RPH3AL: variants seen among roughly 807,000 people sequenced by gnomAD.
RPH3AL encodes rabphilin 3A like (without C2 domains), also known as rab effector Noc2.
Under a neutral mutation model 43.1 loss-of-function variants are expected in RPH3AL, and 38 were observed. The ratio of observed to expected loss-of-function variants is 0.88; its 90% confidence interval spans 0.68 to 1.15. The LOEUF is 1.15. RPH3AL is among the 50% of genes most tolerant of loss of function. The pLI is 0.00. For missense variants in RPH3AL, 462 were observed against 423.2 expected (o/e 1.09, Z -0.81); for synonymous variants, 189 against 176.3 (o/e 1.07, Z -0.57).
Position 246,228 on chromosome 17 carries a change from T to C in RPH3AL, c.613+883A>G, listed in dbSNP as rs2041761717. Among the ~76,000 whole-genome samples the C allele has an allele frequency of 6.6e-6, 1 of 152,128 alleles. No homozygotes were observed. The highest frequency in any genetic ancestry group is 2.4e-5 in the African/African-American group (1 of 41,444). ...CCTGAGAAGCGGCCGCCAGGTCTAT[T>C]GTGATGGGTCCACTTCCTCCAAGAC... On this transcript the variant is annotated intron_variant, in intron 7 of 9. Coordinates refer to ENST00000331302, the MANE Select transcript of RPH3AL (RefSeq NM_006987.4). The surrounding 1 kb of genome is among the most constrained non-coding windows in gnomAD (Gnocchi z 4.8).
intron 3 of RPH3AL, among the ~76,000 whole-genome samples, chr17:325,513 G>C (rs1466484531): frequency 6.6e-6 from 1 of 152,040 alleles, no homozygotes; most frequent in Non-Finnish European, 1.5e-5. Flanking sequence ...CTTCTGCCTG[G>C]AAGCGCTTCC....
Position 213,755 on chromosome 17 carries a change from G to T in RPH3AL, c.*97C>A. ...CTGGTTTGTTGAGTCATGGCCAACA[G>T]GGTGTCTGGTGAGGGCACAAGGACC... is the stretch of plus-strand genomic sequence containing the variant. On this transcript the variant is annotated 3_prime_UTR_variant, in exon 10 of 10. Transcript: ENST00000331302. The T allele has an allele frequency of 2.1e-6, 2 of 968,128 alleles. No homozygotes were observed. The highest frequency in any genetic ancestry group is 1.6e-6 in the Non-Finnish European group (1 of 616,484). The allele number at this position is 968,128 out of a possible 1,614,324, so 60.0% of individuals were successfully genotyped here.
intron 5 of RPH3AL, among the ~76,000 whole-genome samples, chr17:315,622 T>TGCTCC (rs1429001877): frequency 1.7e-5 from 1 of 58,598 alleles, no homozygotes; most frequent in African/African-American, 4.7e-5. Context: ...CTAGTCCCTG[T>TGCTCC]ACTCCACCTC....
At chr17:222,117 A>G (rs2151503500) in intron 7 of RPH3AL, among the ~76,000 whole-genome samples, 1 of 152,390 alleles carries the variant, frequency 6.6e-6, no homozygotes, top group Middle Eastern at 3.4e-3. Context: ...GCCCAAGGCA[A>G]TGCTCTGCAG....
rs376101735 is a variant in RPH3AL, at chr17:315,245, T to C, written c.351+4175A>G. Among the ~76,000 whole-genome samples, 285 of 84,864 alleles carry C rather than the reference T, an allele frequency of 3.4e-3. 8 individuals are homozygous for C. The highest frequency in any genetic ancestry group is 6.6e-3 in the Admixed American group (40 of 6,060). 55.7% of individuals were successfully genotyped at this position (84,864 alleles called of 152,430 possible). On this transcript the variant is annotated intron_variant, in intron 5 of 9. Coordinates refer to ENST00000331302, the MANE Select transcript of RPH3AL (RefSeq NM_006987.4). ...CTGTGCCCCCACCTTCATTCACCTGTAGTCCCTGTGCCCCCACCTCCATTG... is the reference window on the plus strand; with the variant it reads ...CTGTGCCCCCACCTTCATTCACCTGCAGTCCCTGTGCCCCCACCTCCATTG...
At chr17:318,911 T>C (rs1014935427) in intron 5 of RPH3AL, among the ~76,000 whole-genome samples, 2 of 152,190 alleles carry the variant, frequency 1.3e-5, no homozygotes, top group African/African-American at 4.8e-5. Context: ...AAGATAGGAT[T>C]TAACTAATAA....
rs1279151340 is a variant in RPH3AL, at chr17:346,414, A to C, written c.-213+6298T>G. On this transcript the variant is annotated intron_variant, in intron 1 of 9. Transcript: ENST00000331302. ...ACGTGGCTGGGGAAGCCTCACAATC[A>C]TGGTGGAAGGCAAGGAGGAGCAAGT... Among the ~76,000 whole-genome samples, 2 of 135,380 alleles carry C rather than the reference A, an allele frequency of 1.5e-5. 1 individual carries two copies. Among genetic ancestry groups the C allele is most frequent in the Non-Finnish European group, 3.4e-5 (2 of 59,536 alleles). The allele number at this position is 135,380 out of a possible 152,430, so 88.8% of individuals were successfully genotyped here. A position where few individuals can be genotyped will look rare whatever the true frequency, so the allele number is the denominator to read the frequency against.
intron 7 of RPH3AL, among the ~76,000 whole-genome samples, chr17:242,980 A>C (rs1335994289): frequency 8.0e-6 from 1 of 124,396 alleles, no homozygotes; most frequent in African/African-American, 3.0e-5. Flanking sequence ...ACCTTCCTCT[A>C]TTGAATACCT....
At chr17:346,159 G>A (rs1305907876) in intron 1 of RPH3AL, among the ~76,000 whole-genome samples, 2 of 134,836 alleles carry the variant, frequency 1.5e-5, no homozygotes, top group African/African-American at 2.5e-5. Flanking sequence ...AGAGGTAAAT[G>A]ACAGCTGGTA....
At chr17:247,687 G>C (rs1028734117) in intron 6 of RPH3AL, 25 of 185,402 alleles carry the variant, frequency 1.3e-4, no homozygotes, top group African/African-American at 5.4e-4. Context: ...CTCTCTTGCA[G>C]AGCAGGGATC....
intron 9 of RPH3AL, among the ~76,000 whole-genome samples, chr17:214,490 G>A (rs113093581): frequency 1.7e-3 from 256 of 152,318 alleles, no homozygotes; most frequent in Non-Finnish European, 3.3e-3. Context: ...TTTCAATTGG[G>A]CGCAGTGGCT....
At chr17:270,343 G>A (rs1460171594) in intron 6 of RPH3AL, among the ~76,000 whole-genome samples, 2 of 152,238 alleles carry the variant, frequency 1.3e-5, no homozygotes, top group Non-Finnish European at 2.9e-5. Flanking sequence ...CAGGCCGCCT[G>A]CCCGGGAAGC....
At chr17:276,607 G>T (rs941641921) in intron 6 of RPH3AL, among the ~76,000 whole-genome samples, 12 of 152,246 alleles carry the variant, frequency 7.9e-5, no homozygotes, top group African/African-American at 2.9e-4. Flanking sequence ...CTCCCAGGCT[G>T]GTCTCAAACT....
chr17:279,333 G>A (rs1043427852), intron 6 of RPH3AL, among the ~76,000 whole-genome samples: 5 of 152,006 alleles, frequency 3.3e-5, no homozygotes, highest in Non-Finnish European at 5.9e-5. Flanking sequence ...CCTGCTAACC[G>A]TGCACCATAT....
At chr17:218,703 C>T (rs2040875747) in intron 8 of RPH3AL, among the ~76,000 whole-genome samples, 1 of 152,180 alleles carries the variant, frequency 6.6e-6, no homozygotes, top group African/African-American at 2.4e-5. Context: ...TCTCAATGCC[C>T]CCGTTAACCC....
chr17:265,644 A>G (rs1416660131), intron 6 of RPH3AL, among the ~76,000 whole-genome samples: 1 of 152,198 alleles, frequency 6.6e-6, no homozygotes, highest in African/African-American at 2.4e-5. Flanking sequence ...TAAGTTTAGA[A>G]TAACTCTTTC....
chr17:326,564 GA>G (rs2044625539), intron 3 of RPH3AL, among the ~76,000 whole-genome samples: 1 of 152,136 alleles, frequency 6.6e-6, no homozygotes, highest in Non-Finnish European at 1.5e-5. Context: ...CCAGAGCTGA[GA>G]GGTCACTAGG....
At chr17:294,071 T>G (rs1277098095) in intron 5 of RPH3AL, among the ~76,000 whole-genome samples, 1 of 151,692 alleles carries the variant, frequency 6.6e-6, no homozygotes, top group African/African-American at 2.4e-5. Context: ...CTAATAATGT[T>G]CAATCAAAGG....
intron 2 of RPH3AL, chr17:332,147 CAGG>C (rs1598150131): frequency 2.9e-6 from 1 of 339,894 alleles, no homozygotes; most frequent in Middle Eastern, 1.1e-3. Context: ...GGAGCAGACA[CAGG>C]AGGTTCTGTG....
Sources: gnomAD v4.1 joint callset for allele counts (sites outside exome capture counted in the v4.1 genomes callset) on GRCh38, gnomAD v4.1.1 for gene constraint, Gnocchi (gnomAD v3.1) non-coding constraint, MANE v1.5 for transcripts, NCBI Gene and HGNC (gene_info 2026-07-23, HGNC 2026-07-21) for gene names.